The following EXOC6B variants were observed in gnomAD, a reference collection of about 807,000 sequenced individuals.
EXOC6B encodes the protein exocyst complex component 6B.
A neutral mutation model predicts 113.5 loss-of-function variants in EXOC6B; 54 were observed. The ratio of observed to expected loss-of-function variants is 0.48; its 90% CI spans 0.38 to 0.60. EXOC6B has a LOEUF of 0.60. EXOC6B is among the 20% of genes least tolerant of loss of function. The probability of loss-of-function intolerance (pLI) is 0.00; values close to 1 mark genes in which losing one functional copy is unlikely to be tolerated. For synonymous variants in EXOC6B, 357 were observed against 339.0 expected, an observed-to-expected ratio of 1.05 and a Z score of -0.58; for missense variants, 797 against 977.5, an observed-to-expected ratio of 0.82 and a Z score of 2.46.
chr2:72,590,401 A>G (rs1423401864), intron 6 of EXOC6B, among the ~76,000 whole-genome samples: 1 of 151,686 alleles, frequency 6.6e-6, no homozygotes. Flanking sequence ...AAGAGACCCA[A>G]TCAATACATA....
chr2:72,472,575 T>A lies in EXOC6B; in HGVS notation c.1801-7236A>T, dbSNP rs367747889. Among the ~76,000 whole-genome samples the A allele has an allele frequency of 9.9e-5, 15 of 152,246 alleles. No individual in the cohort carries two copies. In the South Asian group the frequency reaches 3.1e-3, roughly 32 times the overall value. On this transcript the variant is annotated intron_variant, in intron 17 of 21. Coordinates refer to ENST00000272427, the MANE Select transcript of EXOC6B (RefSeq NM_015189.3). ...GTCTCTGTTTTCATTTATAATTTTA[T>A]TTGAGTCTTCACTGTACTCTTCTTG...
At chr2:72,289,292 C>T (rs719120) in intron 20 of EXOC6B, among the ~76,000 whole-genome samples, 32,130 of 152,020 alleles carry the variant, frequency 0.21, 6,063 homozygotes, top group African/African-American at 0.51. Context: ...ATTCACTTTG[C>T]GAAAATGCAT....
intron 19 of EXOC6B, among the ~76,000 whole-genome samples, chr2:72,343,065 T>C (rs1453735554): frequency 6.6e-6 from 1 of 152,178 alleles, no homozygotes; most frequent in Non-Finnish European, 1.5e-5. Context: ...TTTTACAACC[T>C]TGGTTAATTT....
At chr2:72,386,642 C>T (rs1573008586) in intron 18 of EXOC6B, among the ~76,000 whole-genome samples, 1 of 152,258 alleles carries the variant, frequency 6.6e-6, no homozygotes, top group South Asian at 2.1e-4. Flanking sequence ...AAGCCATAAG[C>T]CTTGGCAGCT....
At chr2:72,588,480 C>G (rs1172070516) in intron 6 of EXOC6B, among the ~76,000 whole-genome samples, 3 of 151,788 alleles carry the variant, frequency 2.0e-5, no homozygotes, top group African/African-American at 7.3e-5. Context: ...AGTAGTCAGA[C>G]TAATAGAAAT....
chr2:72,213,181 C>A (rs1384138177), intron 20 of EXOC6B, among the ~76,000 whole-genome samples: 2 of 152,170 alleles, frequency 1.3e-5, no homozygotes, highest in East Asian at 3.9e-4. Flanking sequence ...GCCAACCCTG[C>A]CAAGGCACCA....
intron 18 of EXOC6B, among the ~76,000 whole-genome samples, chr2:72,424,953 C>T (rs959643373): frequency 1.3e-5 from 2 of 151,970 alleles, no homozygotes; most frequent in African/African-American, 4.8e-5. Flanking sequence ...AAGCCTAGGA[C>T]CCATTAGTTA....
chr2:72,753,450 A>G (rs1682191633), intron 1 of EXOC6B, among the ~76,000 whole-genome samples: 2 of 152,036 alleles, frequency 1.3e-5, no homozygotes, highest in Admixed American at 1.3e-4. Flanking sequence ...TGGCTCTTCT[A>G]TGCTCTTTCC....
intron 8 of EXOC6B, among the ~76,000 whole-genome samples, chr2:72,554,972 T>C (rs1160945099): frequency 6.6e-6 from 1 of 152,134 alleles, no homozygotes; most frequent in Non-Finnish European, 1.5e-5. Flanking sequence ...GTTCTCATTG[T>C]TCAACTCCCA....
In EXOC6B at chr2:72,620,555, C is replaced by T. The variant is rs186223949; in HGVS notation, c.670-44887G>A. Among the ~76,000 whole-genome samples, 399 of 147,882 alleles carry T rather than the reference C, an allele frequency of 2.7e-3. 4 individuals are homozygous for T. The highest frequency in any genetic ancestry group is 0.01 in the African/African-American group (381 of 37,920). ...AAGACCTCAAACTATTAAAATGCTA[C>T]AAGAAAACCTAGTTAATACCTTGCT... On this transcript the variant is annotated intron_variant, in intron 6 of 21. Transcript: ENST00000272427.
chr2:72,445,761 T>C (rs1201751869), intron 18 of EXOC6B, among the ~76,000 whole-genome samples: 1 of 152,240 alleles, frequency 6.6e-6, no homozygotes, highest in African/African-American at 2.4e-5. Flanking sequence ...CCACAACACA[T>C]GGGAATTCAA....
chr2:72,313,690 A>T (rs564984068), intron 20 of EXOC6B, among the ~76,000 whole-genome samples: 1 of 152,318 alleles, frequency 6.6e-6, no homozygotes, highest in African/African-American at 2.4e-5. Flanking sequence ...CAGAATAAAG[A>T]AATCTCTGAA....
intron 6 of EXOC6B, among the ~76,000 whole-genome samples, chr2:72,589,585 C>T (rs190167295): frequency 4.0e-5 from 6 of 151,548 alleles, no homozygotes; most frequent in Admixed American, 1.3e-4. Context: ...TGGCAATGAA[C>T]GGGATATGCA....
chr2:72,810,634 A>T (rs1032719111), intron 1 of EXOC6B, among the ~76,000 whole-genome samples: 1 of 152,148 alleles, frequency 6.6e-6, no homozygotes, highest in Non-Finnish European at 1.5e-5. Context: ...ATAAAATTTA[A>T]AACAGAAAAA....
At chr2:72,428,787 A>T (rs187152856) in intron 18 of EXOC6B, among the ~76,000 whole-genome samples, 1 of 152,212 alleles carries the variant, frequency 6.6e-6, no homozygotes, top group African/African-American at 2.4e-5. Flanking sequence ...AATGGAGCCA[A>T]GGTCACTGCT....
chr2:72,659,050 C>T (rs557426979), intron 6 of EXOC6B, among the ~76,000 whole-genome samples: 25 of 152,182 alleles, frequency 1.6e-4, no homozygotes, highest in Admixed American at 8.5e-4. Flanking sequence ...CATTTAACTC[C>T]AGTATTTATA....
At chr2:72,643,791 A>C (rs1252194875) in intron 6 of EXOC6B, among the ~76,000 whole-genome samples, 1 of 151,236 alleles carries the variant, frequency 6.6e-6, no homozygotes, top group Non-Finnish European at 1.5e-5. Flanking sequence ...AAAAAAAAAG[A>C]AGCAATAAAA....
intron 20 of EXOC6B, among the ~76,000 whole-genome samples, chr2:72,291,692 A>C (rs545601695): frequency 6.6e-6 from 1 of 152,314 alleles, no homozygotes; most frequent in South Asian, 2.1e-4. Context: ...ATAAAGTAGA[A>C]GTCTGCAGTC....
intron 19 of EXOC6B, among the ~76,000 whole-genome samples, chr2:72,344,768 C>T (rs950522821): frequency 6.6e-6 from 1 of 151,654 alleles, no homozygotes; most frequent in African/African-American, 2.4e-5. Flanking sequence ...TTTTGAATGT[C>T]CTAGTCTTTA....
Sources: allele counts gnomAD v4.1 joint callset (sites outside exome capture counted in the v4.1 genomes callset), GRCh38; gene constraint gnomAD v4.1.1; transcripts MANE v1.5; gene names NCBI Gene and HGNC (gene_info 2026-07-23, HGNC 2026-07-21).